PLEKHB2: variants seen among roughly 807,000 people sequenced by gnomAD.
PLEKHB2 encodes the protein pleckstrin homology domain containing B2, also known as pleckstrin homology domain-containing family B member 2.
PLEKHB2 carries 31 observed loss-of-function variants against 36.5 expected under a neutral mutation model. The observed-to-expected ratio is 0.85, with a 90% CI of 0.64 to 1.15. The LOEUF is 1.15. Ranked by LOEUF, PLEKHB2 falls within the 50% of genes most tolerant of loss-of-function variation. The pLI, the probability that PLEKHB2 is intolerant of heterozygous loss-of-function variation, is 0.00. For missense variants in PLEKHB2, 262 were observed against 295.3 expected (o/e 0.89, Z 0.83); for synonymous variants, 119 against 112.0 (o/e 1.06, Z -0.39).
chr2:131,115,127 A>C (rs750680442), intron 1 of PLEKHB2, among the ~76,000 whole-genome samples: 12 of 152,134 alleles, frequency 7.9e-5, no homozygotes, highest in Non-Finnish European at 1.8e-4. Flanking sequence ...CATGTCTTAC[A>C]TGGTGGCAGG....
intron 1 of PLEKHB2, among the ~76,000 whole-genome samples, chr2:131,116,985 G>A (rs1368781608): frequency 2.6e-5 from 4 of 152,102 alleles, no homozygotes; most frequent in African/African-American, 4.8e-5. Flanking sequence ...AATTAGCTGG[G>A]TGTGGTGACA....
chr2:131,132,988 T>C lies in PLEKHB2; in HGVS notation c.420T>C (p.Pro140=). 6.2e-7 allele frequency: 1 copy of C among 1,611,494 alleles called. No homozygotes were observed. Residue 140 remains proline, a synonymous_variant, in exon 6 of 8, where the codon CCT becomes CCC. Transcript: ENST00000693505. The part of the protein sequence containing the change: ...PPYTAYAAPA[P]EQAYGYGPYG... ...ACACGGCCTATGCTGCACCGGCCCC[T>C]GAGGTAGGGAGAACCCTGAGCCTCC... is the stretch of plus-strand genomic sequence containing the variant.
At position 131,132,915 on chromosome 2, in the gene PLEKHB2, C is replaced by T. The variant is rs1697857248; in HGVS notation, c.347C>T (p.Ser116Phe). Reference protein sequence around the residue: ...DSRTNTAYVGSAVMTDETSVV... With the variant: ...DSRTNTAYVGFAVMTDETSVV... ...TGTCTCCCGCAGGCGTATGTGGGCTCTGCAGTCATGACCGATGAGACATCC... is the reference window on the plus strand; with the variant it reads ...TGTCTCCCGCAGGCGTATGTGGGCTTTGCAGTCATGACCGATGAGACATCC... Residue 116 changes from serine (S) to phenylalanine (F), a missense_variant, in exon 6 of 8, where the codon TCT becomes TTT. Transcript: ENST00000693505. 6.2e-7 allele frequency: 1 copy of T among 1,611,748 alleles called. No individual in the cohort carries two copies. Among genetic ancestry groups the T allele is most frequent in the Non-Finnish European group, 8.5e-7 (1 of 1,177,820 alleles).
intron 1 of PLEKHB2, among the ~76,000 whole-genome samples, chr2:131,109,245 C>T (rs898608781): frequency 2.0e-5 from 3 of 152,046 alleles, no homozygotes; most frequent in African/African-American, 7.2e-5. Flanking sequence ...AATTTCTCTC[C>T]CCAATTTAAA....
intron 1 of PLEKHB2, among the ~76,000 whole-genome samples, chr2:131,117,151 T>C (rs949439512): frequency 1.3e-5 from 2 of 151,198 alleles, no homozygotes; most frequent in Non-Finnish European, 2.9e-5. Context: ...GCCAAATTAA[T>C]ATCAAGAACC....
chr2:131,130,577 G>C lies in PLEKHB2; in HGVS notation c.294-144G>C, dbSNP rs923810803. ...TAATTTTTAAAAATATATATTCCTA[G>C]TGCATGTCTCAAGTGGTTTGGGGCA... On this transcript the variant is annotated intron_variant, in intron 4 of 7. Transcript: ENST00000693505. 3 of 679,486 alleles carry C rather than the reference G, an allele frequency of 4.4e-6. No homozygotes were observed. In the African/African-American group the frequency reaches 5.5e-5, roughly 12 times the overall value. The allele number at this position is 679,486 out of a possible 1,614,324, so 42.1% of individuals were successfully genotyped here. A position where few individuals can be genotyped will look rare whatever the true frequency, so the allele number is the denominator to read the frequency against.
In PLEKHB2 at chr2:131,105,390, G is replaced by C. The variant is rs773771072; in HGVS notation, c.-17G>C. On this transcript the variant is annotated 5_prime_UTR_variant, in exon 1 of 8. Coordinates refer to ENST00000693505, the MANE Select transcript of PLEKHB2 (RefSeq NM_001100623.2). ...GTGGCGTCTTGGTGTTCTCCACGCTGGTTCGCAGGTGAGTGTCCCTGTTTA... is the reference window on the plus strand; with the variant it reads ...GTGGCGTCTTGGTGTTCTCCACGCTCGTTCGCAGGTGAGTGTCCCTGTTTA... 1.3e-5 allele frequency: 2 copies of C among 152,330 alleles called. No homozygotes were observed. Among genetic ancestry groups the C allele is most frequent in the Admixed American group, 6.5e-5 (1 of 15,288 alleles). The allele number at this position is 152,330 out of a possible 1,614,324, so 9.4% of individuals were successfully genotyped here. A position where few individuals can be genotyped will look rare whatever the true frequency, so the allele number is the denominator to read the frequency against.
intron 7 of PLEKHB2, among the ~76,000 whole-genome samples, chr2:131,145,687 C>T (rs1699215671): frequency 6.6e-6 from 1 of 152,152 alleles, no homozygotes; most frequent in Non-Finnish European, 1.5e-5. Context: ...AAAGTTAACG[C>T]TATTAATACC....
At chr2:131,135,430 T>C (rs1337066141) in intron 6 of PLEKHB2, among the ~76,000 whole-genome samples, 1 of 152,228 alleles carries the variant, frequency 6.6e-6, no homozygotes, top group Non-Finnish European at 1.5e-5. Flanking sequence ...CTTTGGGATA[T>C]ACTACATAGG....
intron 1 of PLEKHB2, among the ~76,000 whole-genome samples, chr2:131,112,501 TAGAG>T (rs1482310628): frequency 2.6e-5 from 4 of 152,134 alleles, no homozygotes; most frequent in African/African-American, 2.4e-5. Flanking sequence ...TTACTATAAA[TAGAG>T]AGTTTATTTA....
At chr2:131,138,749 G>A (rs1313873613) in intron 6 of PLEKHB2, among the ~76,000 whole-genome samples, 2 of 152,196 alleles carry the variant, frequency 1.3e-5, no homozygotes, top group Non-Finnish European at 2.9e-5. Context: ...GAGAGGTCCT[G>A]AAAGGACTCA....
intron 1 of PLEKHB2, among the ~76,000 whole-genome samples, chr2:131,111,404 TC>T (rs1441323713): frequency 1.3e-5 from 2 of 151,358 alleles, no homozygotes; most frequent in Non-Finnish European, 2.9e-5. Context: ...AGAGATTTCT[TC>T]CATCTTGATC....
rs1699371980 is a variant in PLEKHB2, at chr2:131,147,361, T to C, written c.*588T>C. The C allele has an allele frequency of 6.6e-6, 1 of 152,354 alleles. No individual in the cohort carries two copies. The highest frequency in any genetic ancestry group is 1.5e-5 in the Non-Finnish European group (1 of 68,158). 9.4% of individuals were successfully genotyped at this position (152,354 alleles called of 1,614,324 possible). Reference sequence around the variant, plus strand: ...TGGGGCACAGCCCGCCTTTGAACAATCATGCTTCAGAAATCTGCCTGACCC... The same window carrying C: ...TGGGGCACAGCCCGCCTTTGAACAACCATGCTTCAGAAATCTGCCTGACCC... On this transcript the variant is annotated 3_prime_UTR_variant, in exon 8 of 8. Coordinates refer to ENST00000693505, the MANE Select transcript of PLEKHB2 (RefSeq NM_001100623.2).
intron 5 of PLEKHB2, among the ~76,000 whole-genome samples, chr2:131,131,894 A>G (rs2104906927): frequency 1.3e-5 from 2 of 150,280 alleles, no homozygotes; most frequent in Middle Eastern, 7.0e-3. Context: ...AGTGCAGTGG[A>G]GCGATCTCGG....
chr2:131,122,141 C>T (rs6430577), intron 2 of PLEKHB2, among the ~76,000 whole-genome samples: 3,393 of 152,134 alleles, frequency 0.022, 131 homozygotes, highest in African/African-American at 0.077. Flanking sequence ...GTGGTCTGCC[C>T]GCCTCGGCCT....
chr2:131,115,936 G>A (rs1268146727), intron 1 of PLEKHB2, among the ~76,000 whole-genome samples: 5 of 152,152 alleles, frequency 3.3e-5, no homozygotes, highest in Non-Finnish European at 7.4e-5. Flanking sequence ...GCTTGTTTTA[G>A]AGGAGACTAG....
At chr2:131,140,144 C>T in intron 6 of PLEKHB2, 23 bp from the exon 7 acceptor site, 1 of 1,442,990 alleles carries the variant, frequency 6.9e-7, no homozygotes, top group South Asian at 1.2e-5. Context: ...AATTGTATTT[C>T]TAATGGGCCT....
Position 131,135,790 on chromosome 2 carries a change from AG to A in PLEKHB2, c.423+2800del, listed in dbSNP as rs1431590692. On this transcript the variant is annotated intron_variant, in intron 6 of 7. Coordinates refer to ENST00000693505, the MANE Select transcript of PLEKHB2 (RefSeq NM_001100623.2). Reference sequence around the variant, plus strand: ...TAATTTTTTTATTTTTTTTATTTTTAGTAGAGACGGGGTTTCACCATGTTAG... The same window carrying A: ...TAATTTTTTTATTTTTTTTATTTTTATAGAGACGGGGTTTCACCATGTTAG... 1.6e-3 allele frequency among the ~76,000 whole-genome samples: 242 copies of A among 150,918 alleles called. 3 individuals are homozygous for A. The highest frequency in any genetic ancestry group is 2.1e-4 in the Non-Finnish European group (14 of 67,810).
intron 6 of PLEKHB2, among the ~76,000 whole-genome samples, chr2:131,134,066 A>AT (rs1430419008): frequency 1.3e-5 from 2 of 149,968 alleles, no homozygotes; most frequent in African/African-American, 4.9e-5. Flanking sequence ...CGCCCGGCTA[A>AT]TTTTTTGTAT....
Sources: allele counts gnomAD v4.1 joint callset (sites outside exome capture counted in the v4.1 genomes callset), GRCh38; gene constraint gnomAD v4.1.1; transcripts MANE v1.5; gene names NCBI Gene and HGNC (gene_info 2026-07-23, HGNC 2026-07-21).